The following GPC6 variants were observed in gnomAD, a reference collection of about 807,000 sequenced individuals.
The protein encoded by GPC6 is glypican 6.
Under a neutral mutation model 55.2 loss-of-function variants are expected in GPC6, and 14 were observed. The observed-to-expected ratio is 0.25, with a 90% CI of 0.17 to 0.40. The LOEUF (loss-of-function observed/expected upper bound fraction) is 0.40, where lower values mean the gene tolerates loss of function less well. Ranked by LOEUF, GPC6 falls within the 10% of genes least tolerant of loss-of-function variation. The probability of loss-of-function intolerance (pLI) is 1.00; values close to 1 mark genes in which losing one functional copy is unlikely to be tolerated. For synonymous variants in GPC6, 278 were observed against 259.6 expected, an observed-to-expected ratio of 1.07 and a Z score of -0.68; for missense variants, 641 against 708.5, an observed-to-expected ratio of 0.90 and a Z score of 1.08.
At chr13:93,726,219 T>C (rs977209103) in intron 2 of GPC6, among the ~76,000 whole-genome samples, 2 of 151,934 alleles carry the variant, frequency 1.3e-5, no homozygotes, top group African/African-American at 4.8e-5. Flanking sequence ...TTGAGCTCTC[T>C]GATTCGTGTA....
At chr13:93,991,975 A>G (rs1881329707) in intron 3 of GPC6, among the ~76,000 whole-genome samples, 3 of 152,052 alleles carry the variant, frequency 2.0e-5, no homozygotes, top group Non-Finnish European at 2.9e-5. Flanking sequence ...ATATACATAC[A>G]TGTGGCATAT....
chr13:93,467,607 G>C (rs1387321374), intron 1 of GPC6, among the ~76,000 whole-genome samples: 1 of 113,210 alleles, frequency 8.8e-6, no homozygotes, highest in African/African-American at 3.6e-5. Flanking sequence ...TTTGAGACAT[G>C]GTCTCATCCT....
At chr13:94,255,825 A>G (rs181051380) in intron 4 of GPC6, among the ~76,000 whole-genome samples, 5 of 152,278 alleles carry the variant, frequency 3.3e-5, no homozygotes, top group Non-Finnish European at 5.9e-5. Context: ...AATGCCCTGG[A>G]TCATAGAGGG....
chr13:93,286,194 T>C (rs1022240172), intron 1 of GPC6, among the ~76,000 whole-genome samples: 1 of 152,090 alleles, frequency 6.6e-6, no homozygotes, highest in Admixed American at 6.6e-5. Flanking sequence ...GGAGAGAGAA[T>C]GAGTGCCCAG....
chr13:93,463,861 C>T (rs1878804780), intron 1 of GPC6, among the ~76,000 whole-genome samples: 1 of 151,744 alleles, frequency 6.6e-6, no homozygotes, highest in African/African-American at 2.4e-5. Flanking sequence ...CCACCCTGCT[C>T]TTCTTTGCTT....
At chr13:93,650,691 G>T (rs1421111744) in intron 2 of GPC6, among the ~76,000 whole-genome samples, 1 of 152,094 alleles carries the variant, frequency 6.6e-6, no homozygotes, top group African/African-American at 2.4e-5. Flanking sequence ...TCAGATAAAA[G>T]GCCACATAAG....
intron 1 of GPC6, among the ~76,000 whole-genome samples, chr13:93,331,072 C>G (rs1009619062): frequency 5.3e-5 from 8 of 151,982 alleles, no homozygotes; most frequent in Admixed American, 3.3e-4. Context: ...TCTTTGGGGG[C>G]TCTATTTGGG....
chr13:93,570,034 T>C (rs1876328357), intron 2 of GPC6, among the ~76,000 whole-genome samples: 1 of 152,178 alleles, frequency 6.6e-6, no homozygotes, highest in Non-Finnish European at 1.5e-5. Flanking sequence ...CATTATTTAA[T>C]GTCACTGAAT....
intron 1 of GPC6, among the ~76,000 whole-genome samples, chr13:93,463,876 A>G (rs1243312563): frequency 6.6e-6 from 1 of 151,864 alleles, no homozygotes; most frequent in East Asian, 1.9e-4. Context: ...TTGCTTACGT[A>G]AGTCCTCAAA....
At chr13:93,952,876 A>G (rs9584173) in intron 3 of GPC6, among the ~76,000 whole-genome samples, 9,546 of 109,886 alleles carry the variant, frequency 0.087, 678 homozygotes, top group East Asian at 0.21. Flanking sequence ...ATATATATAC[A>G]TATATATATG....
At chr13:94,214,676 G>A (rs1483385695) in intron 4 of GPC6, among the ~76,000 whole-genome samples, 1 of 151,934 alleles carries the variant, frequency 6.6e-6, no homozygotes, top group Non-Finnish European at 1.5e-5. Context: ...CCGTATTGAT[G>A]GAAGAACTGT....
At chr13:93,263,362 TG>T (rs1877215580) in intron 1 of GPC6, among the ~76,000 whole-genome samples, 1 of 152,074 alleles carries the variant, frequency 6.6e-6, no homozygotes. Context: ...TTTGTTTTTT[TG>T]TTTTTTTTGT....
intron 1 of GPC6, among the ~76,000 whole-genome samples, chr13:93,474,229 C>T (rs998746938): frequency 6.6e-6 from 1 of 152,146 alleles, no homozygotes; most frequent in Non-Finnish European, 1.5e-5. Flanking sequence ...CACAGTGTTA[C>T]TTGGATCTGT....
chr13:93,358,845 T>G (rs1382021274), intron 1 of GPC6, among the ~76,000 whole-genome samples: 1 of 152,176 alleles, frequency 6.6e-6, no homozygotes, highest in Non-Finnish European at 1.5e-5. Context: ...TGCAGGCATG[T>G]CTACCACTCC....
intron 1 of GPC6, among the ~76,000 whole-genome samples, chr13:93,441,319 G>A (rs182901297): frequency 7.9e-5 from 12 of 151,184 alleles, no homozygotes; most frequent in African/African-American, 2.5e-4. Flanking sequence ...CAACAGTGTA[G>A]AAGTGTTCCT....
chr13:93,360,155 G>T (rs776507646), intron 1 of GPC6, among the ~76,000 whole-genome samples: 1 of 152,106 alleles, frequency 6.6e-6, no homozygotes, highest in Admixed American at 6.6e-5. Context: ...AGGATAAAGA[G>T]TGTCTCCTAC....
At chr13:93,813,163 A>G (rs777138856) in intron 2 of GPC6, among the ~76,000 whole-genome samples, 1 of 152,208 alleles carries the variant, frequency 6.6e-6, no homozygotes, top group Admixed American at 6.5e-5. Context: ...CATAAAATGT[A>G]TATTACCAGA....
intron 3 of GPC6, among the ~76,000 whole-genome samples, chr13:94,021,387 G>A (rs1027750837): frequency 6.6e-6 from 1 of 151,894 alleles, no homozygotes; most frequent in Middle Eastern, 3.2e-3. Flanking sequence ...ATGCATCAAT[G>A]CTGGTCCAGA....
chr13:94,230,177 A>G (rs924757947), intron 4 of GPC6, among the ~76,000 whole-genome samples: 13 of 152,182 alleles, frequency 8.5e-5, no homozygotes, highest in Admixed American at 2.6e-4. Flanking sequence ...TACCATATGT[A>G]AAGACTGAAA....
Sources: gnomAD v4.1 joint callset for allele counts (sites outside exome capture counted in the v4.1 genomes callset) on GRCh38, gnomAD v4.1.1 for gene constraint, MANE v1.5 for transcripts, NCBI Gene and HGNC (gene_info 2026-07-23, HGNC 2026-07-21) for gene names.